Variants in TAMM41 observed in about 807,000 individuals in gnomAD.
The protein encoded by TAMM41 is phosphatidate cytidylyltransferase, mitochondrial.
TAMM41 carries 36 observed loss-of-function variants against 44.1 expected under a neutral mutation model. The ratio of observed to expected loss-of-function variants is 0.82; its 90% CI spans 0.63 to 1.08. The LOEUF (loss-of-function observed/expected upper bound fraction) is 1.08, where lower values mean the gene tolerates loss of function less well. Ranked by LOEUF, TAMM41 falls within the 50% of genes least tolerant of loss-of-function variation. The pLI is 0.00. For missense variants in TAMM41, 417 were observed against 404.3 expected (o/e 1.03, Z -0.27); for synonymous variants, 164 against 153.1 (o/e 1.07, Z -0.53).
chr3:11,747,229 ATT>A, the TAMM41 span, among the ~76,000 whole-genome samples: 1 of 151,642 alleles, frequency 6.6e-6, no homozygotes, highest in South Asian at 2.1e-4. Context: ...TGCCTGGCTA[ATT>A]TTTGTATTTT....
the TAMM41 span, among the ~76,000 whole-genome samples, chr3:11,735,801 G>A: frequency 1.4e-4 from 21 of 152,278 alleles, no homozygotes; most frequent in African/African-American, 4.3e-4. Context: ...AGCAAAGCAC[G>A]TGTATATAAT....
At chr3:11,791,589 C>T (rs1250741039) in intron 7 of TAMM41, among the ~76,000 whole-genome samples, 2 of 152,140 alleles carry the variant, frequency 1.3e-5, no homozygotes, top group Non-Finnish European at 2.9e-5. Flanking sequence ...GTGCACACCC[C>T]TGGCAGTGCA....
chr3:11,808,104 CT>C, intron 6 of TAMM41: 1 of 1,086,638 alleles, frequency 9.2e-7, no homozygotes. Context: ...CGCCACCCGG[CT>C]GTGTGAGTCC....
At chr3:11,723,602 C>CAAA in the TAMM41 span, among the ~76,000 whole-genome samples, 2 of 137,834 alleles carry the variant, frequency 1.5e-5, no homozygotes, top group Non-Finnish European at 1.6e-5. Flanking sequence ...AAAACAAAAA[C>CAAA]AAAAAAAAAA....
At chr3:11,811,311 A>C (rs1051030427) in intron 5 of TAMM41, 3 of 152,220 alleles carry the variant, frequency 2.0e-5, no homozygotes, top group Non-Finnish European at 4.4e-5. Context: ...TTTATGTAAA[A>C]TAATCTTAGA....
At chr3:11,828,381 G>T (rs2078843579) in intron 4 of TAMM41, among the ~76,000 whole-genome samples, 1 of 152,154 alleles carries the variant, frequency 6.6e-6, no homozygotes, top group Non-Finnish European at 1.5e-5. Flanking sequence ...AATTTAGAAG[G>T]AACTCCCAGA....
chr3:11,809,742 C>T, intron 5 of TAMM41, 60 bp from the exon 6 acceptor site: 7 of 1,528,784 alleles, frequency 4.6e-6, no homozygotes, highest in Non-Finnish European at 6.2e-6. Context: ...ACAAATACTC[C>T]AAAACTCAGG....
At chr3:11,842,348 C>T (rs553213505) in intron 2 of TAMM41, among the ~76,000 whole-genome samples, 19 of 137,472 alleles carry the variant, frequency 1.4e-4, no homozygotes, top group Admixed American at 4.5e-4. Flanking sequence ...GAGCAGAGAT[C>T]GCACCATTGC....
Position 11,846,699 on chromosome 3 carries a change from A to C in TAMM41, c.-63T>G. On this transcript the variant is annotated 5_prime_UTR_variant, in exon 1 of 8. Transcript: ENST00000455809. ...GCGAGGACAACCGGGCGGGGAACAG[A>C]CACCGGGTAGGCGGTTTAGGGTGGG... is the stretch of plus-strand genomic sequence containing the variant. The C allele has an allele frequency of 6.2e-7, 1 of 1,608,956 alleles. No homozygotes were observed. The highest frequency in any genetic ancestry group is 8.5e-7 in the Non-Finnish European group (1 of 1,177,124).
downstream of TAMM41, among the ~76,000 whole-genome samples, chr3:11,788,567 G>C (rs994340127): frequency 1.3e-5 from 2 of 152,294 alleles, no homozygotes; most frequent in Admixed American, 6.5e-5. Context: ...GGGATTCCAA[G>C]CATGAGCCAC....
At chr3:11,810,884 T>G in intron 5 of TAMM41, 1 of 148,148 alleles carries the variant, frequency 6.8e-6, no homozygotes, top group East Asian at 2.0e-4. Flanking sequence ...AGCAAAAGAG[T>G]GAGATATCCG....
chr3:11,837,748 T>C (rs931050471), intron 3 of TAMM41, among the ~76,000 whole-genome samples: 1 of 152,206 alleles, frequency 6.6e-6, no homozygotes, highest in African/African-American at 2.4e-5. Flanking sequence ...CCATGATACA[T>C]GTCCTAGCAG....
the TAMM41 span, among the ~76,000 whole-genome samples, chr3:11,750,605 C>A: frequency 6.6e-6 from 1 of 152,064 alleles, no homozygotes; most frequent in Non-Finnish European, 1.5e-5. Flanking sequence ...CCACTGCGCC[C>A]AGCTTCCTCT....
chr3:11,724,208 A>C, the TAMM41 span, among the ~76,000 whole-genome samples: 1 of 151,130 alleles, frequency 6.6e-6, no homozygotes, highest in Non-Finnish European at 1.5e-5. Flanking sequence ...GGTTCAAGCG[A>C]TTCTCCTGCC....
chr3:11,841,160 A>G (rs184287738), intron 2 of TAMM41, among the ~76,000 whole-genome samples: 78 of 134,858 alleles, frequency 5.8e-4, no homozygotes, highest in African/African-American at 1.8e-3. Flanking sequence ...TTGGCTCACT[A>G]CAGCCCTAAC....
chr3:11,773,148 G>T, the TAMM41 span, among the ~76,000 whole-genome samples: 1 of 151,878 alleles, frequency 6.6e-6, no homozygotes, highest in Non-Finnish European at 1.5e-5. Flanking sequence ...GTAGAGTTGG[G>T]GTTTCACCAT....
the TAMM41 span, among the ~76,000 whole-genome samples, chr3:11,753,380 G>C: frequency 6.6e-6 from 1 of 151,928 alleles, no homozygotes; most frequent in Admixed American, 6.6e-5. Flanking sequence ...GATGCAGTGA[G>C]CCAAGAATGC....
At chr3:11,756,111 G>A in the TAMM41 span, among the ~76,000 whole-genome samples, 73 of 152,222 alleles carry the variant, frequency 4.8e-4, no homozygotes, top group African/African-American at 1.6e-3. Flanking sequence ...GACTATTTGC[G>A]GCTCAAATGA....
At chr3:11,824,908 G>A (rs766428313) in intron 4 of TAMM41, among the ~76,000 whole-genome samples, 13 of 152,148 alleles carry the variant, frequency 8.5e-5, no homozygotes, top group Non-Finnish European at 1.9e-4. Flanking sequence ...GAGTGGTGGA[G>A]TTGCAGTAGC....
Sources: gnomAD v4.1 joint callset for allele counts (sites outside exome capture counted in the v4.1 genomes callset) on GRCh38, gnomAD v4.1.1 for gene constraint, MANE v1.5 for transcripts, NCBI Gene and HGNC (gene_info 2026-07-23, HGNC 2026-07-21) for gene names.